LONRF3: variants seen among roughly 807,000 people sequenced by gnomAD.
LONRF3 encodes LON peptidase N-terminal domain and ring finger 3, also known as LON peptidase N-terminal domain and RING finger protein 3.
LONRF3 carries 19 observed loss-of-function variants against 51.7 expected under a neutral mutation model. The ratio of observed to expected loss-of-function variants is 0.37; its 90% CI spans 0.26 to 0.54. LONRF3 has a LOEUF of 0.54. Among genes scored for constraint, LONRF3 ranks in the 20% least tolerant of loss-of-function variants. LONRF3 has a pLI of 0.86. For missense variants in LONRF3, 521 were observed against 623.9 expected (o/e 0.84, Z 1.76); for synonymous variants, 265 against 257.8 (o/e 1.03, Z -0.27).
chrX:118,979,176 A>AT (rs374755826), intron 2 of LONRF3, among the ~76,000 whole-genome samples: 48 of 104,884 alleles, frequency 4.6e-4, no homozygotes, highest in East Asian at 3.0e-3. Context: ...AATTTTTTGT[A>AT]TTTTTTTTTG....
At chrX:118,994,517 C>T (rs944495596) in intron 5 of LONRF3, among the ~76,000 whole-genome samples, 10 of 110,872 alleles carry the variant, frequency 9.0e-5, no homozygotes, top group African/African-American at 3.3e-4. Flanking sequence ...ATTCTCCTGC[C>T]TCAGCCTCCT....
intron 5 of LONRF3, among the ~76,000 whole-genome samples, chrX:119,001,215 GA>G (rs1924297195): frequency 8.9e-6 from 1 of 111,734 alleles, no homozygotes; most frequent in African/African-American, 3.3e-5. Flanking sequence ...CAGAAGGAGG[GA>G]GAGAGGAGAG....
chrX:119,013,099 C>G lies in LONRF3; in HGVS notation c.1872C>G (p.Arg624=), dbSNP rs1345066728. 8.3e-7 allele frequency: 1 copy of G among 1,212,066 alleles called. No homozygotes were observed. Among genetic ancestry groups the G allele is most frequent in the Non-Finnish European group, 1.1e-6 (1 of 895,568 alleles). The change falls in exon 9 of 11, where the codon CGC becomes CGG. Residue 624 remains arginine, a synonymous_variant. Coordinates refer to ENST00000371628, the MANE Select transcript of LONRF3 (RefSeq NM_001031855.3). ...ATGTTCAATTCTTTGCTGATGGCCG[C>G]TCAGTGGTTGACAGCATAGGCAAGA... ...IRNVQFFADG[R]SVVDSIGKRR...
Position 119,017,763 on chromosome X carries a change from A to G in LONRF3, c.*73A>G, listed in dbSNP as rs1210631379. On this transcript the variant is annotated 3_prime_UTR_variant, in exon 11 of 11. Coordinates refer to ENST00000371628, the MANE Select transcript of LONRF3 (RefSeq NM_001031855.3). Reference sequence around the variant, plus strand: ...GGGGAGTCTTCTTGTAAATATATCTAATTGCAATAATATCTTAACAGAAGG... The same window carrying G: ...GGGGAGTCTTCTTGTAAATATATCTGATTGCAATAATATCTTAACAGAAGG... 1.0e-6 allele frequency: 1 copy of G among 959,947 alleles called. No individual in the cohort carries two copies. The highest frequency in any genetic ancestry group is 1.4e-6 in the Non-Finnish European group (1 of 708,796). The allele number at this position is 959,947 out of a possible 1,213,427, so 79.1% of individuals were successfully genotyped here.
chrX:118,995,109 AT>A (rs1443189871), intron 5 of LONRF3, among the ~76,000 whole-genome samples: 1 of 112,393 alleles, frequency 8.9e-6, no homozygotes, highest in Non-Finnish European at 1.9e-5. Flanking sequence ...GCCTCACTAA[AT>A]TTAAGAGAAC....
At chrX:119,006,459 G>C (rs1430609919) in intron 6 of LONRF3, among the ~76,000 whole-genome samples, 7 of 103,714 alleles carry the variant, frequency 6.7e-5, no homozygotes, top group Non-Finnish European at 1.4e-4. Context: ...GGAGTGCAGT[G>C]GCGTGATCGC....
At chrX:118,976,112 C>T (rs1261474508) in intron 1 of LONRF3, among the ~76,000 whole-genome samples, 1 of 112,876 alleles carries the variant, frequency 8.9e-6, no homozygotes, top group Non-Finnish European at 1.9e-5. Flanking sequence ...AGGAGATGTC[C>T]GGTCGGCGCC....
chrX:119,014,699 T>G (rs1925322829), intron 10 of LONRF3, among the ~76,000 whole-genome samples: 1 of 111,376 alleles, frequency 9.0e-6, no homozygotes, highest in Non-Finnish European at 1.9e-5. Flanking sequence ...ACAAGTTACA[T>G]GCAAAGGCCA....
At chrX:118,984,769 C>T (rs1603247825) in intron 3 of LONRF3, among the ~76,000 whole-genome samples, 3 of 111,928 alleles carry the variant, frequency 2.7e-5, no homozygotes, top group South Asian at 3.8e-4. Context: ...AATTTAGAGG[C>T]GAATTTCCAC....
At chrX:119,015,707 T>C (rs1470652370) in intron 10 of LONRF3, among the ~76,000 whole-genome samples, 2 of 112,456 alleles carry the variant, frequency 1.8e-5, no homozygotes, top group Non-Finnish European at 3.8e-5. Flanking sequence ...GTGTGATTCA[T>C]AAAGGCTAAT....
At chrX:118,987,280 A>T (rs1373643904) in intron 3 of LONRF3, among the ~76,000 whole-genome samples, 3 of 108,965 alleles carry the variant, frequency 2.8e-5, no homozygotes, top group African/African-American at 1.0e-4. Flanking sequence ...TATTCATTAC[A>T]TTGAAAAAAA....
intron 3 of LONRF3, chrX:118,987,220 A>G (rs979235143): frequency 8.5e-6 from 4 of 467,926 alleles, no homozygotes; most frequent in South Asian, 7.3e-5. Context: ...GTTCTTTGCA[A>G]AGAACCTCTT....
intron 7 of LONRF3, 137 bp downstream of exon 7, chrX:119,009,384 C>A: frequency 1.6e-6 from 1 of 632,132 alleles, no homozygotes; most frequent in Non-Finnish European, 2.3e-6. Flanking sequence ...AGTATTTACA[C>A]CATGGAAATT....
At position 118,974,706 on chromosome X, in the gene LONRF3, T is replaced by A; in HGVS notation, c.-75T>A. ...GGCATGGCGGCGGTGGCTGCCCCGA[T>A]TTCCTCCAGCTGCCACTCCTTGCTT... On this transcript the variant is annotated 5_prime_UTR_variant, in exon 1 of 11. Transcript: ENST00000371628. The A allele has an allele frequency of 1.1e-6, 1 of 945,073 alleles. No individual in the cohort carries two copies. The highest frequency in any genetic ancestry group is 2.5e-5 in the South Asian group (1 of 39,937). The allele number at this position is 945,073 out of a possible 1,213,427, so 77.9% of individuals were successfully genotyped here. A position where few individuals can be genotyped will look rare whatever the true frequency, so the allele number is the denominator to read the frequency against.
At chrX:119,000,777 CT>C in intron 5 of LONRF3, among the ~76,000 whole-genome samples, 1 of 1,086 alleles carries the variant, frequency 9.2e-4, no homozygotes, top group African/African-American at 6.5e-3. Flanking sequence ...CACTCTCATT[CT>C]CTCTCTCTCT....
intron 7 of LONRF3, among the ~76,000 whole-genome samples, chrX:119,011,483 G>GA: frequency 9.0e-6 from 1 of 111,694 alleles, no homozygotes. Flanking sequence ...ATGAAAGTAA[G>GA]AAAAAATATG....
chrX:118,984,715 G>A (rs1922824583), intron 3 of LONRF3, among the ~76,000 whole-genome samples: 3 of 111,945 alleles, frequency 2.7e-5, no homozygotes, highest in Non-Finnish European at 5.6e-5. Context: ...GCAAGCGAGT[G>A]TATGCCCGTG....
At chrX:119,005,428 A>ATG (rs199774381) in intron 5 of LONRF3, among the ~76,000 whole-genome samples, 4,278 of 111,743 alleles carry the variant, frequency 0.038, 230 homozygotes, top group African/African-American at 0.13. Context: ...AAGTATATGT[A>ATG]TGTATATATA....
chrX:119,003,748 G>A (rs1242281757), intron 5 of LONRF3, among the ~76,000 whole-genome samples: 1 of 112,318 alleles, frequency 8.9e-6, no homozygotes, highest in Non-Finnish European at 1.9e-5. Context: ...AACTTGTCAA[G>A]TTCTACAAAA....
Sources: gnomAD v4.1 joint callset for allele counts (sites outside exome capture counted in the v4.1 genomes callset) on GRCh38, gnomAD v4.1.1 for gene constraint, MANE v1.5 for transcripts, NCBI Gene and HGNC (gene_info 2026-07-23, HGNC 2026-07-21) for gene names.